Variants in RANBP9 observed in about 807,000 individuals in gnomAD.
RANBP9 encodes the protein RAN binding protein 9, also known as ran-binding protein 9.
In RANBP9, 15 loss-of-function variants were observed where a neutral mutation model predicts 84.3. The observed-to-expected ratio is 0.18, with a 90% CI of 0.12 to 0.27. The LOEUF is 0.27. Ranked by LOEUF, RANBP9 falls within the 10% of genes least tolerant of loss-of-function variation. The pLI, the probability that RANBP9 is intolerant of heterozygous loss-of-function variation, is 1.00. For missense variants in RANBP9, 809 were observed against 912.8 expected (o/e 0.89, Z 1.46); for synonymous variants, 392 against 349.6 (o/e 1.12, Z -1.35).
intron 12 of RANBP9, among the ~76,000 whole-genome samples, chr6:13,629,948 G>A (rs1764733720): frequency 6.9e-6 from 1 of 144,388 alleles, no homozygotes; most frequent in Non-Finnish European, 1.5e-5. Context: ...GTGTGTATTT[G>A]CATGAACTTC....
At chr6:13,629,673 T>C (rs989567439) in intron 12 of RANBP9, among the ~76,000 whole-genome samples, 6 of 152,058 alleles carry the variant, frequency 3.9e-5, no homozygotes, top group Non-Finnish European at 5.9e-5. Flanking sequence ...CCTACAACAA[T>C]GCCTCTCCAC....
At chr6:13,708,516 G>A (rs1304207190) in intron 1 of RANBP9, among the ~76,000 whole-genome samples, 1 of 151,998 alleles carries the variant, frequency 6.6e-6, no homozygotes, top group Non-Finnish European at 1.5e-5. Flanking sequence ...TCAAAGATAA[G>A]GAAAATTCTC....
intron 5 of RANBP9, among the ~76,000 whole-genome samples, chr6:13,650,093 A>T (rs1196732745): frequency 6.6e-6 from 1 of 152,094 alleles, no homozygotes; most frequent in Admixed American, 6.5e-5. Flanking sequence ...TAAAAAAATA[A>T]ATAATAAAGA....
Position 13,639,543 on chromosome 6 carries a change from T to C in RANBP9, c.1525+20A>G, listed in dbSNP as rs139184273. ...ATAAAGAGGAAAAATCTAAAAATAA[T>C]GTCATAAGTTAAATCTCACCTGAAA... On this transcript the variant is annotated intron_variant, in intron 9 of 13. Transcript: ENST00000011619. 880 of 1,565,836 alleles carry C rather than the reference T, an allele frequency of 5.6e-4. 5 individuals are homozygous for C. In the African/African-American group the frequency reaches 0.01, roughly 19 times the overall value.
chr6:13,706,915 CAGA>C (rs1444846194), intron 1 of RANBP9, among the ~76,000 whole-genome samples: 2 of 147,116 alleles, frequency 1.4e-5, no homozygotes, highest in Non-Finnish European at 3.0e-5. Context: ...GAGGCTGAGG[CAGA>C]AGAACTGCAT....
intron 8 of RANBP9, among the ~76,000 whole-genome samples, chr6:13,640,107 G>C (rs149194896): frequency 3.0e-4 from 46 of 152,128 alleles, no homozygotes; most frequent in Admixed American, 3.3e-4. Flanking sequence ...CTAAGGACAT[G>C]ATTTTATGTA....
At position 13,711,436 on chromosome 6, in the gene RANBP9, G is replaced by C. The variant is rs1342601827; in HGVS notation, c.70C>G (p.Pro24Ala). The change falls in exon 1 of 14, where the codon CCG becomes GCG. Residue 24 changes from proline (P) to alanine (A), a missense_variant. Physicochemically the swap from Pro to Ala is conservative, Grantham distance 27. This residue lies in a region of RANBP9 where 302 missense variants were observed against 240.1 expected (regional missense o/e 1.26). Transcript: ENST00000011619. ...CCGGAGACTGGGGCCAAGGCCGCCGGCGGTGGCGGCGACAGCTGCTGCTGC... is the reference window on the plus strand; with the variant it reads ...CCGGAGACTGGGGCCAAGGCCGCCGCCGGTGGCGGCGACAGCTGCTGCTGC... ...QQQQQLSPPP[P>A]AALAPVSGVV... 1 of 1,199,902 alleles carries C rather than the reference G, an allele frequency of 8.3e-7. No individual in the cohort carries two copies. Among genetic ancestry groups the C allele is most frequent in the Non-Finnish European group, 1.0e-6 (1 of 967,034 alleles). 74.3% of individuals were successfully genotyped at this position (1,199,902 alleles called of 1,614,324 possible). A position where few individuals can be genotyped will look rare whatever the true frequency, so the allele number is the denominator to read the frequency against.
chr6:13,708,193 G>A (rs966905953), intron 1 of RANBP9, among the ~76,000 whole-genome samples: 2 of 152,104 alleles, frequency 1.3e-5, no homozygotes, highest in Non-Finnish European at 2.9e-5. Context: ...ATGCCAAGGT[G>A]GGAGGATCAC....
intron 2 of RANBP9, among the ~76,000 whole-genome samples, chr6:13,688,246 A>T (rs1373376907): frequency 1.3e-5 from 2 of 152,250 alleles, no homozygotes; most frequent in Non-Finnish European, 2.9e-5. Context: ...CAACAAAAGT[A>T]ACTAGTCAGC....
chr6:13,709,992 A>G (rs1166393114), intron 1 of RANBP9, among the ~76,000 whole-genome samples: 2 of 151,718 alleles, frequency 1.3e-5, no homozygotes, highest in Non-Finnish European at 2.9e-5. Flanking sequence ...CGTTAGGTTG[A>G]TTTTTTTTTC....
intron 13 of RANBP9, 51 bp downstream of exon 13, chr6:13,625,602 T>C (rs758859600): frequency 1.4e-5 from 19 of 1,364,450 alleles, no homozygotes; most frequent in Admixed American, 6.8e-5. Context: ...CACCCTCTCT[T>C]AAATTTTCAG....
intron 1 of RANBP9, among the ~76,000 whole-genome samples, chr6:13,705,868 CAAAAAAA>C (rs767070995): frequency 1.3e-4 from 10 of 76,758 alleles, no homozygotes; most frequent in Admixed American, 4.5e-4. Flanking sequence ...GACTCCGTCT[CAAAAAAA>C]AAAAAAAAAA....
At chr6:13,692,167 T>C (rs1051756466) in intron 2 of RANBP9, among the ~76,000 whole-genome samples, 1 of 152,188 alleles carries the variant, frequency 6.6e-6, no homozygotes, top group Non-Finnish European at 1.5e-5. Flanking sequence ...GTTCTTTGCT[T>C]CCAAAAACAA....
In RANBP9 at chr6:13,634,471, A is replaced by G; in HGVS notation, c.1755T>C (p.Ser585=). The change falls in exon 11 of 14, where the codon TCT becomes TCC. Residue 585 remains serine, a synonymous_variant. Transcript: ENST00000011619. ...AATCTTCCATTTCGTGGTCATGTTT[A>G]GAGCTACCATTTAGGAAACCATTGG... ...TSSNGFLNGS[S]KHDHEMEDCD... 1.2e-6 allele frequency: 2 copies of G among 1,613,802 alleles called. No individual in the cohort carries two copies. Among genetic ancestry groups the G allele is most frequent in the Admixed American group, 1.7e-5 (1 of 60,028 alleles).
rs1765327081 is a variant in RANBP9 at position 13,652,955 on chromosome 6, T to C, written c.905-274A>G. Among the ~76,000 whole-genome samples, 5 of 152,194 alleles carry C rather than the reference T, an allele frequency of 3.3e-5. No individual in the cohort carries two copies. In the South Asian group the frequency reaches 1.0e-3, roughly 32 times the overall value. On this transcript the variant is annotated intron_variant, in intron 4 of 13. Transcript: ENST00000011619. The stretch of plus-strand genomic sequence containing the variant: ...TGTCTCCAGGATTTTTGAAATACTT[T>C]TAGATATATCTTCAAAGCTACATTA...
intron 2 of RANBP9, among the ~76,000 whole-genome samples, chr6:13,686,055 A>AT (rs957111695): frequency 3.6e-5 from 5 of 137,012 alleles, no homozygotes; most frequent in African/African-American, 1.4e-4. Context: ...TCTCCCTTAC[A>AT]TTTTTTCTGT....
Position 13,709,188 on chromosome 6 carries a change from C to T in RANBP9, c.571+1747G>A, listed in dbSNP as rs147521842. Among the ~76,000 whole-genome samples, 209 of 152,296 alleles carry T rather than the reference C, an allele frequency of 1.4e-3. 2 individuals are homozygous for T. The highest frequency in any genetic ancestry group is 4.9e-3 in the African/African-American group (202 of 41,556). On this transcript the variant is annotated intron_variant, in intron 1 of 13. Transcript: ENST00000011619. The stretch of plus-strand genomic sequence containing the variant: ...TGTAAAAGACTAAAACTAATCAAGA[C>T]ACCTTACAGTACTAAATAAACAGTA...
intron 4 of RANBP9, among the ~76,000 whole-genome samples, chr6:13,653,358 T>C (rs1292515626): frequency 1.3e-5 from 2 of 152,164 alleles, no homozygotes. Flanking sequence ...ATAAGTCTAC[T>C]GTCAACTCAA....
intron 2 of RANBP9, among the ~76,000 whole-genome samples, chr6:13,685,017 TCTC>T (rs1237431943): frequency 1.3e-5 from 2 of 152,190 alleles, no homozygotes; most frequent in Admixed American, 1.3e-4. Context: ...AGTGATTCCT[TCTC>T]CTCAGCATAT....
Sources: allele counts gnomAD v4.1 joint callset (sites outside exome capture counted in the v4.1 genomes callset), GRCh38; gene constraint gnomAD v4.1.1; regional missense constraint gnomAD v4.1.1; transcripts MANE v1.5; gene names NCBI Gene and HGNC (gene_info 2026-07-23, HGNC 2026-07-21).